The following MAP3K4 variants were observed in gnomAD, a reference collection of about 807,000 sequenced individuals.
The protein encoded by MAP3K4 is mitogen-activated protein kinase kinase kinase 4, also known as MAP three kinase 1.
A neutral mutation model predicts 185.6 loss-of-function variants in MAP3K4; 67 were observed. That is an observed-to-expected ratio of 0.36 (90% confidence interval 0.30 to 0.44). MAP3K4 has a LOEUF of 0.44. Ranked by LOEUF, MAP3K4 falls within the 20% of genes least tolerant of loss-of-function variation. The pLI is 1.00. For missense variants in MAP3K4, 1,551 were observed against 1,995.1 expected, an observed-to-expected ratio of 0.78 and a Z score of 4.24; for synonymous variants, 702 against 710.4, an observed-to-expected ratio of 0.99 and a Z score of 0.19.
intron 1 of MAP3K4, among the ~76,000 whole-genome samples, chr6:161,020,265 C>G (rs928746996): frequency 2.0e-5 from 3 of 151,592 alleles, no homozygotes; most frequent in East Asian, 3.9e-4. Context: ...ATGGACTTTT[C>G]TTTGTTTGTT....
At chr6:161,015,559 C>T (rs535933198) in intron 1 of MAP3K4, among the ~76,000 whole-genome samples, 2 of 152,170 alleles carry the variant, frequency 1.3e-5, no homozygotes, top group South Asian at 4.2e-4. Flanking sequence ...GATCACGGTT[C>T]GTCAGGCTGT....
intron 2 of MAP3K4, among the ~76,000 whole-genome samples, chr6:161,042,599 ATATT>A (rs1783522862): frequency 6.6e-6 from 1 of 152,224 alleles, no homozygotes; most frequent in Non-Finnish European, 1.5e-5. Flanking sequence ...GTTTTGGACA[ATATT>A]TAGTCAAATA....
At chr6:161,015,216 A>C (rs946155440) in intron 1 of MAP3K4, among the ~76,000 whole-genome samples, 5 of 152,074 alleles carry the variant, frequency 3.3e-5, no homozygotes, top group African/African-American at 1.2e-4. Context: ...TAACACAGGA[A>C]CGGAAAACCA....
chr6:161,082,865 C>T lies in MAP3K4; in HGVS notation c.2256-1636C>T, dbSNP rs554406266. On this transcript the variant is annotated intron_variant, in intron 6 of 26. Coordinates refer to ENST00000392142, the MANE Select transcript of MAP3K4 (RefSeq NM_005922.4). The surrounding 1 kb of genome is among the most constrained non-coding windows in gnomAD (Gnocchi z 4.2). ...CTAGAGTTTATTCTCAACACCACAG[C>T]CTGAATGGTCTGGTTAAAGTGTATG... Among the ~76,000 whole-genome samples, 1 of 152,314 alleles carries T rather than the reference C, an allele frequency of 6.6e-6. No individual in the cohort carries two copies. The highest frequency in any genetic ancestry group is 2.4e-5 in the African/African-American group (1 of 41,568).
chr6:161,095,328 A>G (rs988738450), intron 15 of MAP3K4, among the ~76,000 whole-genome samples: 1 of 152,200 alleles, frequency 6.6e-6, no homozygotes, highest in African/African-American at 2.4e-5. Flanking sequence ...AGTAATAACA[A>G]TGTGTAAATT....
intron 1 of MAP3K4, among the ~76,000 whole-genome samples, chr6:161,023,507 G>A (rs377221097): frequency 6.6e-6 from 1 of 152,210 alleles, no homozygotes; most frequent in Admixed American, 6.5e-5. Flanking sequence ...AGAATTTGCC[G>A]TTAAAATAGG....
intron 1 of MAP3K4, among the ~76,000 whole-genome samples, chr6:161,018,095 A>G (rs111477172): frequency 1.2e-4 from 18 of 152,186 alleles, no homozygotes; most frequent in African/African-American, 3.9e-4. Flanking sequence ...TTTGCCTGGA[A>G]ACCTATTCCA....
intron 1 of MAP3K4, among the ~76,000 whole-genome samples, chr6:161,004,227 A>T (rs1264889502): frequency 6.6e-6 from 1 of 152,152 alleles, no homozygotes. Flanking sequence ...CCAAGTCAAC[A>T]TTTAAAAACA....
In MAP3K4 at chr6:161,082,159, A is replaced by C. The variant is rs1481933412; in HGVS notation, c.2255+1121A>C. Among the ~76,000 whole-genome samples the C allele has an allele frequency of 6.6e-6, 1 of 151,922 alleles. No individual in the cohort carries two copies. The highest frequency in any genetic ancestry group is 1.5e-5 in the Non-Finnish European group (1 of 67,988). On this transcript the variant is annotated intron_variant, in intron 6 of 26. Transcript: ENST00000392142. The surrounding 1 kb of genome is among the most constrained non-coding windows in gnomAD (Gnocchi z 4.2). ...CTCTCCTCTCATAACTCCATCCGTCAGGCTGTGATCCCCAGGCTGTCTTTG... is the reference window on the plus strand; with the variant it reads ...CTCTCCTCTCATAACTCCATCCGTCCGGCTGTGATCCCCAGGCTGTCTTTG...
chr6:161,056,364 A>C lies in MAP3K4; in HGVS notation c.1707+6385A>C, dbSNP rs1248428985. Among the ~76,000 whole-genome samples the C allele has an allele frequency of 2.6e-5, 4 of 152,120 alleles. No individual in the cohort carries two copies. The highest frequency in any genetic ancestry group is 9.7e-5 in the African/African-American group (4 of 41,434). The stretch of plus-strand genomic sequence containing the variant: ...GTGCTGTTGGGGTGTCATTGCTTTT[A>C]GGCCTTCTCAGTGATAGAATTAGAA... On this transcript the variant is annotated intron_variant, in intron 3 of 26. Transcript: ENST00000392142. This position sits in a 1 kb window ranked among gnomAD's most constrained non-coding sequence, Gnocchi z 5.4.
At chr6:161,019,447 G>A (rs958683843) in intron 1 of MAP3K4, among the ~76,000 whole-genome samples, 2 of 151,870 alleles carry the variant, frequency 1.3e-5, no homozygotes, top group Non-Finnish European at 2.9e-5. Flanking sequence ...AGTCTCTCTC[G>A]CCCAGGCTGG....
chr6:161,096,781 T>G lies in MAP3K4; in HGVS notation c.3428-299T>G. 4.0e-6 allele frequency: 1 copy of G among 252,690 alleles called. No individual in the cohort carries two copies. The highest frequency in any genetic ancestry group is 8.3e-5 in the South Asian group (1 of 11,998). The allele number at this position is 252,690 out of a possible 1,614,324, so 15.7% of individuals were successfully genotyped here. A position where few individuals can be genotyped will look rare whatever the true frequency, so the allele number is the denominator to read the frequency against. On this transcript the variant is annotated intron_variant, in intron 15 of 26. Coordinates refer to ENST00000392142, the MANE Select transcript of MAP3K4 (RefSeq NM_005922.4). The surrounding 1 kb of genome is among the most constrained non-coding windows in gnomAD (Gnocchi z 4.9). ...TAGGGAGATACCACATTTTCATGTA[T>G]CTCTAAAATGGGTTAAATCATTTGT...
chr6:161,026,733 C>CTTTTTTTTTT (rs553664182), intron 1 of MAP3K4, among the ~76,000 whole-genome samples: 10 of 96,100 alleles, frequency 1.0e-4, no homozygotes, highest in African/African-American at 1.8e-4. Context: ...GTTCTCTCTC[C>CTTTTTTTTTT]TTTTTTTTTT....
chr6:161,116,156 T>C lies in MAP3K4; in HGVS notation c.4807-694T>C, dbSNP rs1207848765. On this transcript the variant is annotated intron_variant, in intron 26 of 26. Transcript: ENST00000392142. This position sits in a 1 kb window ranked among gnomAD's most constrained non-coding sequence, Gnocchi z 6.2. ...GCTCCCAGGTTTCTGGTTTGTGTCA[T>C]CAGGTCACAGACTCTATTTGCCAGG... is the stretch of plus-strand genomic sequence containing the variant. Among the ~76,000 whole-genome samples the C allele has an allele frequency of 2.0e-5, 3 of 151,758 alleles. No homozygotes were observed. Among genetic ancestry groups the C allele is most frequent in the Admixed American group, 6.6e-5 (1 of 15,252 alleles).
chr6:161,059,048 A>G (rs1459432536), intron 3 of MAP3K4, among the ~76,000 whole-genome samples: 1 of 152,156 alleles, frequency 6.6e-6, no homozygotes, highest in African/African-American at 2.4e-5. Context: ...AAAAGACTAT[A>G]CTAATTTATA....
intron 1 of MAP3K4, among the ~76,000 whole-genome samples, chr6:161,018,941 C>T (rs964486058): frequency 1.3e-5 from 2 of 152,190 alleles, no homozygotes; most frequent in African/African-American, 4.8e-5. Flanking sequence ...AGATTAGACA[C>T]TGCAGAAAAA....
chr6:161,063,816 T>TC lies in MAP3K4; in HGVS notation c.1708-6791dup, dbSNP rs1285025633. The stretch of plus-strand genomic sequence containing the variant: ...GTTCTCTGTAGACTCTGTGAGCTTT[T>TC]CATAGAGCACTCATCATGACTTGGG... On this transcript the variant is annotated intron_variant, in intron 3 of 26. Coordinates refer to ENST00000392142, the MANE Select transcript of MAP3K4 (RefSeq NM_005922.4). This position sits in a 1 kb window ranked among gnomAD's most constrained non-coding sequence, Gnocchi z 5.4. Among the ~76,000 whole-genome samples, 1 of 152,182 alleles carries TC rather than the reference T, an allele frequency of 6.6e-6. No homozygotes were observed. Among genetic ancestry groups the TC allele is most frequent in the Non-Finnish European group, 1.5e-5 (1 of 68,040 alleles).
chr6:161,035,288 T>A (rs1583144783), intron 2 of MAP3K4, among the ~76,000 whole-genome samples: 2 of 152,318 alleles, frequency 1.3e-5, no homozygotes, highest in South Asian at 2.1e-4. Context: ...GTCTGAGAAA[T>A]TTCTTCCTGT....
Position 161,076,928 on chromosome 6 carries a change from A to C in MAP3K4, c.2097+3316A>C, listed in dbSNP as rs574497614. On this transcript the variant is annotated intron_variant, in intron 5 of 26. Coordinates refer to ENST00000392142, the MANE Select transcript of MAP3K4 (RefSeq NM_005922.4). The surrounding 1 kb of genome is among the most constrained non-coding windows in gnomAD (Gnocchi z 4.2). ...GTGATTGTAGAACCATGTGAACAAG[A>C]CTACAGCTGAGAAAAATGCCCTCAG... Among the ~76,000 whole-genome samples the C allele has an allele frequency of 1.1e-4, 16 of 152,300 alleles. No homozygotes were observed. Among genetic ancestry groups the C allele is most frequent in the Non-Finnish European group, 1.6e-4 (11 of 68,038 alleles).
Sources: allele counts gnomAD v4.1 joint callset (sites outside exome capture counted in the v4.1 genomes callset), GRCh38; gene constraint gnomAD v4.1.1; non-coding constraint Gnocchi (gnomAD v3.1); transcripts MANE v1.5; gene names NCBI Gene and HGNC (gene_info 2026-07-23, HGNC 2026-07-21).